The following NCAM2 variants were observed in gnomAD, a reference collection of about 807,000 sequenced individuals.
NCAM2 encodes the protein neural cell adhesion molecule 2, also known as N-CAM-2.
A neutral mutation model predicts 98.1 loss-of-function variants in NCAM2; 30 were observed. The ratio of observed to expected loss-of-function variants is 0.31; its 90% CI spans 0.23 to 0.41. NCAM2 has a LOEUF of 0.41. NCAM2 is among the 10% of genes least tolerant of loss of function. The pLI is 1.00. For synonymous variants in NCAM2, 368 were observed against 342.4 expected (o/e 1.07, Z -0.83); for missense variants, 867 against 1,005.8 (o/e 0.86, Z 1.87).
At chr21:21,056,628 A>T (rs894919688) in intron 1 of NCAM2, among the ~76,000 whole-genome samples, 10 of 151,874 alleles carry the variant, frequency 6.6e-5, no homozygotes, top group Admixed American at 6.6e-4. Context: ...TCTCCTAAAG[A>T]AAAAACAGAG....
At chr21:21,395,877 G>T (rs926152556) in intron 9 of NCAM2, among the ~76,000 whole-genome samples, 2 of 152,108 alleles carry the variant, frequency 1.3e-5, no homozygotes, top group African/African-American at 4.8e-5. Context: ...ATAGATCAAA[G>T]ACTTAAATCT....
At chr21:21,009,039 C>G (rs77747670) in intron 1 of NCAM2, among the ~76,000 whole-genome samples, 6 of 152,084 alleles carry the variant, frequency 3.9e-5, no homozygotes, top group Non-Finnish European at 7.4e-5. Flanking sequence ...AGCAAGAATG[C>G]CTTTCCCTGC....
At chr21:21,402,288 G>C (rs1050846302) in intron 9 of NCAM2, among the ~76,000 whole-genome samples, 14 of 152,032 alleles carry the variant, frequency 9.2e-5, no homozygotes, top group Non-Finnish European at 1.6e-4. Flanking sequence ...TAAGACCCTA[G>C]GAAAAGAATT....
intron 1 of NCAM2, among the ~76,000 whole-genome samples, chr21:21,074,838 A>G (rs111475404): frequency 2.0e-5 from 3 of 150,608 alleles, no homozygotes; most frequent in Non-Finnish European, 4.4e-5. Context: ...GATGGTGGTG[A>G]TGGTTTTATG....
intron 15 of NCAM2, among the ~76,000 whole-genome samples, chr21:21,505,813 T>C (rs1053259216): frequency 3.9e-5 from 6 of 152,100 alleles, no homozygotes; most frequent in Non-Finnish European, 7.4e-5. Flanking sequence ...TACTTTGTAC[T>C]GGGCAATAAG....
At chr21:21,452,546 A>G (rs1373124239) in intron 12 of NCAM2, among the ~76,000 whole-genome samples, 2 of 123,762 alleles carry the variant, frequency 1.6e-5, no homozygotes, top group Admixed American at 1.0e-4. Context: ...AAATAAATAT[A>G]TAATATATAC....
intron 1 of NCAM2, among the ~76,000 whole-genome samples, chr21:21,231,673 A>G (rs2070633253): frequency 1.3e-5 from 2 of 151,452 alleles, no homozygotes; most frequent in South Asian, 2.1e-4. Context: ...TAAATATTAT[A>G]CAGAATAATT....
At chr21:21,313,669 G>C (rs1568922475) in intron 5 of NCAM2, among the ~76,000 whole-genome samples, 1 of 151,982 alleles carries the variant, frequency 6.6e-6, no homozygotes, top group East Asian at 1.9e-4. Context: ...TTTTATTCAT[G>C]AAATTAAGCC....
chr21:21,426,940 G>C (rs2077226388), intron 11 of NCAM2, among the ~76,000 whole-genome samples: 1 of 152,076 alleles, frequency 6.6e-6, no homozygotes, highest in Non-Finnish European at 1.5e-5. Flanking sequence ...AAATATCTAG[G>C]ATAGGGTTTA....
intron 1 of NCAM2, among the ~76,000 whole-genome samples, chr21:21,002,455 C>G (rs1473185459): frequency 1.3e-5 from 2 of 152,098 alleles, no homozygotes; most frequent in Admixed American, 6.5e-5. Context: ...TGCAATGAAA[C>G]TGAGAAATGA....
chr21:21,265,340 G>GTGTA (rs1258454869), intron 1 of NCAM2, among the ~76,000 whole-genome samples: 3 of 119,802 alleles, frequency 2.5e-5, no homozygotes, highest in African/African-American at 9.3e-5. Flanking sequence ...TAATATATAT[G>GTGTA]TGTATGTATG....
At chr21:21,450,807 C>T (rs1308393236) in intron 12 of NCAM2, among the ~76,000 whole-genome samples, 7 of 112,704 alleles carry the variant, frequency 6.2e-5, no homozygotes, top group Non-Finnish European at 1.4e-4. Flanking sequence ...CACACACACA[C>T]ACACACACAC....
intron 1 of NCAM2, among the ~76,000 whole-genome samples, chr21:21,006,894 A>T (rs2064122752): frequency 6.6e-6 from 1 of 152,146 alleles, no homozygotes; most frequent in Admixed American, 6.5e-5. Context: ...TTGCATCCTG[A>T]TAGAGGGTGC....
intron 14 of NCAM2, among the ~76,000 whole-genome samples, chr21:21,469,502 C>A (rs979559120): frequency 1.3e-5 from 2 of 151,852 alleles, no homozygotes; most frequent in Non-Finnish European, 2.9e-5. Context: ...AAAAATGAAA[C>A]ACAATTTTAA....
chr21:21,470,494 A>G (rs531446266), intron 14 of NCAM2, among the ~76,000 whole-genome samples: 30 of 152,218 alleles, frequency 2.0e-4, no homozygotes, highest in African/African-American at 6.7e-4. Context: ...TTGCTAAGGT[A>G]TAGTTGATAC....
At chr21:21,472,790 G>T (rs1984613373) in intron 14 of NCAM2, among the ~76,000 whole-genome samples, 1 of 151,866 alleles carries the variant, frequency 6.6e-6, no homozygotes, top group Non-Finnish European at 1.5e-5. Flanking sequence ...TATGTGGGTG[G>T]TGGAGACTAG....
intron 9 of NCAM2, among the ~76,000 whole-genome samples, chr21:21,383,860 T>C (rs1379262051): frequency 6.6e-6 from 1 of 152,070 alleles, no homozygotes; most frequent in Non-Finnish European, 1.5e-5. Context: ...TTTTACATCA[T>C]ATATTCTCAA....
intron 12 of NCAM2, among the ~76,000 whole-genome samples, chr21:21,444,315 C>A (rs1342477969): frequency 2.6e-5 from 4 of 152,074 alleles, no homozygotes; most frequent in Non-Finnish European, 5.9e-5. Flanking sequence ...GTGTCTCTGC[C>A]AGGTTTTGGT....
chr21:21,253,826 G>C (rs1394367236), intron 1 of NCAM2, among the ~76,000 whole-genome samples: 1 of 152,136 alleles, frequency 6.6e-6, no homozygotes, highest in East Asian at 1.9e-4. Flanking sequence ...AAACACTTGA[G>C]TTCTAAGGCC....
Sources: gnomAD v4.1 joint callset for allele counts (sites outside exome capture counted in the v4.1 genomes callset) on GRCh38, gnomAD v4.1.1 for gene constraint, MANE v1.5 for transcripts, NCBI Gene and HGNC (gene_info 2026-07-23, HGNC 2026-07-21) for gene names.